YAF2: variants seen among roughly 807,000 people sequenced by gnomAD.
YAF2 encodes the protein YY1 associated factor 2.
YAF2 carries 7 observed loss-of-function variants against 20.1 expected under a neutral mutation model. The observed-to-expected ratio is 0.35, with a 90% confidence interval of 0.20 to 0.65. YAF2 has a LOEUF of 0.65. YAF2 is among the 30% of genes least tolerant of loss of function. The pLI, the probability that YAF2 is intolerant of heterozygous loss-of-function variation, is 0.69. For synonymous variants in YAF2, 74 were observed against 76.0 expected (o/e 0.97, Z 0.14); for missense variants, 151 against 219.2 (o/e 0.69, Z 1.96).
intron 2 of YAF2, among the ~76,000 whole-genome samples, chr12:42,209,798 C>G (rs910976600): frequency 2.0e-5 from 3 of 152,056 alleles, no homozygotes; most frequent in Admixed American, 6.5e-5. Context: ...CCAGTAAATG[C>G]ATAATTTTTT....
chr12:42,228,196 T>TG (rs1408372668), intron 2 of YAF2, among the ~76,000 whole-genome samples: 4 of 50,680 alleles, frequency 7.9e-5, no homozygotes, highest in Admixed American at 2.1e-4. Context: ...GGGAGGGAGG[T>TG]GGGGGGGTCG....
intron 2 of YAF2, among the ~76,000 whole-genome samples, chr12:42,198,512 A>AG (rs1322367631): frequency 6.6e-6 from 1 of 152,190 alleles, no homozygotes; most frequent in East Asian, 1.9e-4. Context: ...CTTGAGCCCA[A>AG]GAAGCGCAGG....
chr12:42,210,839 T>G, intron 2 of YAF2: 2 of 555,012 alleles, frequency 3.6e-6, no homozygotes, highest in Non-Finnish European at 5.9e-6. Context: ...CTTCTCACAT[T>G]ATCAGAAACA....
chr12:42,160,905 G>A (rs1233868317), intron 3 of YAF2, 79 bp from the exon 4 acceptor site: 3 of 1,286,434 alleles, frequency 2.3e-6, no homozygotes, highest in African/African-American at 1.5e-5. Flanking sequence ...AATAAAAGTG[G>A]TAAAAGTAAC....
At chr12:42,176,255 G>A (rs888011975) in intron 2 of YAF2, among the ~76,000 whole-genome samples, 6 of 151,540 alleles carry the variant, frequency 4.0e-5, no homozygotes, top group Non-Finnish European at 8.8e-5. Flanking sequence ...ATGAGTAGCT[G>A]GGACTACAGG....
At chr12:42,177,002 G>C (rs547962807) in intron 2 of YAF2, among the ~76,000 whole-genome samples, 1 of 152,072 alleles carries the variant, frequency 6.6e-6, no homozygotes, top group Non-Finnish European at 1.5e-5. Context: ...CAATTGTTCT[G>C]CTACAGGCCA....
chr12:42,212,982 T>C (rs1051400563), intron 2 of YAF2, among the ~76,000 whole-genome samples: 10 of 152,250 alleles, frequency 6.6e-5, no homozygotes, highest in African/African-American at 2.4e-4. Flanking sequence ...TATATGTTTA[T>C]AGTGATAAAA....
chr12:42,193,560 A>G (rs935382844), intron 2 of YAF2, among the ~76,000 whole-genome samples: 3 of 152,044 alleles, frequency 2.0e-5, no homozygotes, highest in African/African-American at 7.3e-5. Context: ...CTAGAATCCA[A>G]TGGTGTGATC....
chr12:42,209,226 T>C (rs1388195941), intron 2 of YAF2, among the ~76,000 whole-genome samples: 1 of 149,964 alleles, frequency 6.7e-6, no homozygotes, highest in Non-Finnish European at 1.5e-5. Context: ...AAGTTCAAGA[T>C]ACATTGAAAA....
intron 2 of YAF2, among the ~76,000 whole-genome samples, chr12:42,206,281 G>A (rs1335308756): frequency 7.3e-6 from 1 of 136,060 alleles, no homozygotes; most frequent in Admixed American, 7.9e-5. Flanking sequence ...CAATTATAAT[G>A]CAATATGCTC....
Position 42,180,317 on chromosome 12 carries a change from T to C in YAF2, c.153-18552A>G, listed in dbSNP as rs115706744. On this transcript the variant is annotated intron_variant, in intron 2 of 3. Transcript: ENST00000534854. Reference sequence around the variant, plus strand: ...TGATCTCCCCTAACAGAGTGGCCCATGTGGCAAAGAACTGAGGGAAGCCTC... The same window carrying C: ...TGATCTCCCCTAACAGAGTGGCCCACGTGGCAAAGAACTGAGGGAAGCCTC... Among the ~76,000 whole-genome samples, 1,308 of 152,312 alleles carry C rather than the reference T, an allele frequency of 8.6e-3. 19 individuals are homozygous for C. The highest frequency in any genetic ancestry group is 0.03 in the African/African-American group (1,255 of 41,556).
intron 2 of YAF2, among the ~76,000 whole-genome samples, chr12:42,183,497 C>T (rs2066396935): frequency 1.3e-5 from 2 of 152,146 alleles, no homozygotes. Context: ...GGAAGCAAAA[C>T]AGCCTTACTA....
intron 2 of YAF2, among the ~76,000 whole-genome samples, chr12:42,189,261 G>A (rs2066551591): frequency 6.6e-6 from 1 of 152,160 alleles, no homozygotes; most frequent in African/African-American, 2.4e-5. Flanking sequence ...AGCTGGAAAG[G>A]CAAGTTAGAG....
intron 2 of YAF2, among the ~76,000 whole-genome samples, chr12:42,177,743 G>A (rs556861019): frequency 6.6e-6 from 1 of 152,146 alleles, no homozygotes; most frequent in East Asian, 1.9e-4. Flanking sequence ...ACTTCTTCCA[G>A]GTCTCTGTTC....
intron 2 of YAF2, among the ~76,000 whole-genome samples, chr12:42,220,981 A>C (rs2137301383): frequency 6.6e-6 from 1 of 152,344 alleles, no homozygotes; most frequent in South Asian, 2.1e-4. Context: ...GATATACAGC[A>C]AAATAAAAGT....
chr12:42,183,892 T>C (rs938580639), intron 2 of YAF2, among the ~76,000 whole-genome samples: 19 of 152,346 alleles, frequency 1.2e-4, no homozygotes, highest in Admixed American at 1.2e-3. Context: ...GACTCTCTTG[T>C]TAGGGGCTAA....
intron 2 of YAF2, among the ~76,000 whole-genome samples, chr12:42,213,105 A>G (rs1285705661): frequency 1.3e-5 from 2 of 152,218 alleles, no homozygotes; most frequent in African/African-American, 4.8e-5. Context: ...GCACTTTGGG[A>G]GTCCAAGGCG....
intron 2 of YAF2, among the ~76,000 whole-genome samples, chr12:42,182,639 G>A (rs2066372758): frequency 6.6e-6 from 1 of 152,290 alleles, no homozygotes; most frequent in East Asian, 1.9e-4. Context: ...TATGTAATTG[G>A]CAATCAAAAA....
At chr12:42,169,090 G>A (rs1256431687) in intron 2 of YAF2, among the ~76,000 whole-genome samples, 1 of 152,054 alleles carries the variant, frequency 6.6e-6, no homozygotes, top group South Asian at 2.1e-4. Flanking sequence ...TATTCTCTCA[G>A]TTGTGTCCTT....
Sources: gnomAD v4.1 joint callset for allele counts (sites outside exome capture counted in the v4.1 genomes callset) on GRCh38, gnomAD v4.1.1 for gene constraint, MANE v1.5 for transcripts, NCBI Gene and HGNC (gene_info 2026-07-23, HGNC 2026-07-21) for gene names.